STARD5: variants seen among roughly 807,000 people sequenced by gnomAD.
STARD5 encodes the protein stAR-related lipid transfer protein 5.
A neutral mutation model predicts 24.6 loss-of-function variants in STARD5; 26 were observed. That is an observed-to-expected ratio of 1.06 (90% CI 0.77 to 1.47). The LOEUF is 1.47. STARD5 is among the 40% of genes most tolerant of loss of function. The pLI, the probability that STARD5 is intolerant of heterozygous loss-of-function variation, is 0.00. For synonymous variants in STARD5, 101 were observed against 99.7 expected, an observed-to-expected ratio of 1.01 and a Z score of -0.07; for missense variants, 254 against 270.8, an observed-to-expected ratio of 0.94 and a Z score of 0.44.
At chr15:81,315,629 A>G (rs1009681476) in intron 5 of STARD5, among the ~76,000 whole-genome samples, 1 of 151,882 alleles carries the variant, frequency 6.6e-6, no homozygotes, top group Non-Finnish European at 1.5e-5. Context: ...CCACCTTAAG[A>G]ACACCTTTCC....
intron 3 of STARD5, among the ~76,000 whole-genome samples, chr15:81,320,535 T>C (rs1347965929): frequency 6.6e-6 from 1 of 152,136 alleles, no homozygotes; most frequent in Non-Finnish European, 1.5e-5. Context: ...TATCATGAAT[T>C]GTCCCAGTGT....
chr15:81,320,896 G>A (rs2141677512), intron 3 of STARD5, among the ~76,000 whole-genome samples: 1 of 152,280 alleles, frequency 6.6e-6, no homozygotes, highest in South Asian at 2.1e-4. Context: ...ACAAACTCAT[G>A]GCATGGCCCT....
At chr15:81,323,254 A>T in intron 1 of STARD5, 1 of 426,536 alleles carries the variant, frequency 2.3e-6, no homozygotes. Context: ...GAAAAGTCAG[A>T]AGGGTCAAGC....
At chr15:81,323,755 C>G in intron 1 of STARD5, 1 of 734,484 alleles carries the variant, frequency 1.4e-6, no homozygotes, top group African/African-American at 1.7e-5. Context: ...CATTCAACAG[C>G]CAGGTGACCT....
chr15:81,315,449 G>A (rs1901061537), intron 5 of STARD5, among the ~76,000 whole-genome samples: 1 of 152,132 alleles, frequency 6.6e-6, no homozygotes, highest in Admixed American at 6.5e-5. Flanking sequence ...CAGAGGAATT[G>A]TAGGTCACCC....
chr15:81,315,267 A>G (rs1901057251), intron 5 of STARD5, among the ~76,000 whole-genome samples: 1 of 152,114 alleles, frequency 6.6e-6, no homozygotes, highest in African/African-American at 2.4e-5. Flanking sequence ...GTGAGAAATG[A>G]GACTCCGTGA....
chr15:81,323,833 A>T, intron 1 of STARD5, 168 bp downstream of exon 1: 1 of 768,698 alleles, frequency 1.3e-6, no homozygotes. Context: ...TAACAGGCCC[A>T]ATCTTTTTTT....
rs1567053908 is a variant in STARD5 at position 81,312,719 on chromosome 15, C to A, written c.*537G>T. 2 of 152,124 alleles carry A rather than the reference C, an allele frequency of 1.3e-5. No individual in the cohort carries two copies. The highest frequency in any genetic ancestry group is 6.5e-5 in the Admixed American group (1 of 15,268). The allele number at this position is 152,124 out of a possible 1,614,324, so 9.4% of individuals were successfully genotyped here. On this transcript the variant is annotated 3_prime_UTR_variant, in exon 6 of 6. Transcript: ENST00000302824. ...TAAACCATTATTTCCAAGTTGACAC[C>A]TTTTTTAAGGAAAAATAAATATTTT...
intron 1 of STARD5, 140 bp downstream of exon 1, chr15:81,323,861 C>A: frequency 1.2e-6 from 1 of 856,546 alleles, no homozygotes; most frequent in Non-Finnish European, 1.9e-6. Context: ...GAAAACAATC[C>A]CCATTGGAAT....
intron 5 of STARD5, among the ~76,000 whole-genome samples, chr15:81,314,414 T>A (rs1901026831): frequency 6.6e-6 from 1 of 152,140 alleles, no homozygotes; most frequent in Non-Finnish European, 1.5e-5. Flanking sequence ...GTGACAAACT[T>A]CTCAACGGCC....
rs1193557962 is a variant in STARD5, at chr15:81,312,283, A to C, written c.*973T>G. 1 of 152,128 alleles carries C rather than the reference A, an allele frequency of 6.6e-6. No homozygotes were observed. The highest frequency in any genetic ancestry group is 1.5e-5 in the Non-Finnish European group (1 of 68,056). The allele number at this position is 152,128 out of a possible 1,614,324, so 9.4% of individuals were successfully genotyped here. A position where few individuals can be genotyped will look rare whatever the true frequency, so the allele number is the denominator to read the frequency against. ...TGCCTGGGTGGACATGGCCCCTGTGAGTTTGTACAGTCTTGCAGCAGGATC... is the reference window on the plus strand; with the variant it reads ...TGCCTGGGTGGACATGGCCCCTGTGCGTTTGTACAGTCTTGCAGCAGGATC... On this transcript the variant is annotated 3_prime_UTR_variant, in exon 6 of 6. Coordinates refer to ENST00000302824, the MANE Select transcript of STARD5 (RefSeq NM_181900.3).
chr15:81,318,390 T>G lies in STARD5; in HGVS notation c.494+19A>C. 6.2e-7 allele frequency: 1 copy of G among 1,609,506 alleles called. No homozygotes were observed. Among genetic ancestry groups the G allele is most frequent in the South Asian group, 1.1e-5 (1 of 90,988 alleles). On this transcript the variant is annotated intron_variant, in intron 5 of 5. Transcript: ENST00000302824. Reference sequence around the variant, plus strand: ...GTTAGGTCTGAGCCATGTACCTCAATGCAGGAAATTATCCTTACCCTGGAA... The same window carrying G: ...GTTAGGTCTGAGCCATGTACCTCAAGGCAGGAAATTATCCTTACCCTGGAA...
At chr15:81,315,213 C>T (rs1192018152) in intron 5 of STARD5, among the ~76,000 whole-genome samples, 2 of 152,194 alleles carry the variant, frequency 1.3e-5, no homozygotes, top group African/African-American at 4.8e-5. Context: ...CTCTGGCCCG[C>T]ATCACCTCTC....
chr15:81,320,223 T>C (rs184953347), intron 3 of STARD5, among the ~76,000 whole-genome samples: 1 of 152,244 alleles, frequency 6.6e-6, no homozygotes, highest in East Asian at 1.9e-4. Context: ...GAGGGGCTGG[T>C]AAAGGTCTCC....
chr15:81,322,015 A>T (rs1405544257), intron 3 of STARD5, among the ~76,000 whole-genome samples: 2 of 152,226 alleles, frequency 1.3e-5, no homozygotes, highest in Non-Finnish European at 2.9e-5. Context: ...AATCTGTTGG[A>T]TGCATGTAAG....
chr15:81,319,200 A>C, intron 4 of STARD5, 139 bp downstream of exon 4: 2 of 777,866 alleles, frequency 2.6e-6, no homozygotes, highest in Non-Finnish European at 4.4e-6. Context: ...CCCCAAACCC[A>C]ACCAGATGAG....
chr15:81,322,584 T>C (rs1317646389), intron 2 of STARD5, 44 bp from the exon 3 acceptor site: 1 of 1,613,216 alleles, frequency 6.2e-7, no homozygotes, highest in Non-Finnish European at 8.5e-7. Flanking sequence ...TCAATCAAAC[T>C]TGTTATCTTG....
rs186755467 is a variant in STARD5, at chr15:81,321,327, C to T, written c.282+1081G>A. ...TCCAATTTTTTAAAAAACAATTAGTCTTGGCCAGGCGCAGTGGCTTACACC... is the reference window on the plus strand; with the variant it reads ...TCCAATTTTTTAAAAAACAATTAGTTTTGGCCAGGCGCAGTGGCTTACACC... On this transcript the variant is annotated intron_variant, in intron 3 of 5. Coordinates refer to ENST00000302824, the MANE Select transcript of STARD5 (RefSeq NM_181900.3). Among the ~76,000 whole-genome samples the T allele has an allele frequency of 2.5e-3, 377 of 152,082 alleles. 2 individuals carry two copies. Among genetic ancestry groups the T allele is most frequent in the Admixed American group, 4.3e-3 (65 of 15,262 alleles).
Position 81,312,271 on chromosome 15 carries a change from A to G in STARD5, c.*985T>C, listed in dbSNP as rs1900899126. 6.6e-6 allele frequency: 1 copy of G among 152,314 alleles called. No homozygotes were observed. The highest frequency in any genetic ancestry group is 1.5e-5 in the Non-Finnish European group (1 of 68,094). 9.4% of individuals were successfully genotyped at this position (152,314 alleles called of 1,614,324 possible). ...GTTCTGATGATGTGCCTGGGTGGAC[A>G]TGGCCCCTGTGAGTTTGTACAGTCT... On this transcript the variant is annotated 3_prime_UTR_variant, in exon 6 of 6. Coordinates refer to ENST00000302824, the MANE Select transcript of STARD5 (RefSeq NM_181900.3).
Sources: allele counts gnomAD v4.1 joint callset (sites outside exome capture counted in the v4.1 genomes callset), GRCh38; gene constraint gnomAD v4.1.1; transcripts MANE v1.5; gene names NCBI Gene and HGNC (gene_info 2026-07-23, HGNC 2026-07-21).